CELF2: variants seen among roughly 807,000 people sequenced by gnomAD.
The protein encoded by CELF2 is CUG triplet repeat RNA-binding protein 2.
CELF2 carries 8 observed loss-of-function variants against 62.6 expected under a neutral mutation model. The observed-to-expected ratio is 0.13, with a 90% CI of 0.07 to 0.23. The LOEUF is 0.23. CELF2 is among the 10% of genes least tolerant of loss of function. The probability of loss-of-function intolerance (pLI) is 1.00; values close to 1 mark genes in which losing one functional copy is unlikely to be tolerated. For synonymous variants in CELF2, 258 were observed against 250.0 expected (o/e 1.03, Z -0.30); for missense variants, 333 against 671.0 (o/e 0.50, Z 5.56).
the CELF2 span, among the ~76,000 whole-genome samples, chr10:10,650,006 G>T: frequency 6.6e-6 from 1 of 152,132 alleles, no homozygotes; most frequent in African/African-American, 2.4e-5. Flanking sequence ...TGCTCATTCT[G>T]TGTGGATGGA....
At chr10:11,058,461 GTTTTTTTTTT>G (rs67113152) in intron 1 of CELF2, among the ~76,000 whole-genome samples, 2 of 116,806 alleles carry the variant, frequency 1.7e-5, no homozygotes, top group African/African-American at 6.4e-5. Context: ...TTTTTTGTTG[GTTTTTTTTTT>G]TTTTTTTTTT....
chr10:11,266,385 CT>C (rs2082202168), intron 5 of CELF2, among the ~76,000 whole-genome samples: 1 of 152,142 alleles, frequency 6.6e-6, no homozygotes, highest in South Asian at 2.1e-4. Flanking sequence ...ATAAATAAAT[CT>C]TTCTGCTTTG....
chr10:10,644,640 G>A, the CELF2 span, among the ~76,000 whole-genome samples: 1 of 152,138 alleles, frequency 6.6e-6, no homozygotes, highest in South Asian at 2.1e-4. Flanking sequence ...GGTATAGGAA[G>A]CTGCCAGCCA....
Position 11,305,726 on chromosome 10 carries a change from C to T in CELF2, c.977-8413C>T, listed in dbSNP as rs550249609. Among the ~76,000 whole-genome samples, 30 of 152,282 alleles carry T rather than the reference C, an allele frequency of 2.0e-4. No homozygotes were observed. In the South Asian group the frequency reaches 6.0e-3, roughly 31 times the overall value. On this transcript the variant is annotated intron_variant, in intron 9 of 12. Coordinates refer to ENST00000633077, the MANE Select transcript of CELF2 (RefSeq NM_001326342.2). The surrounding 1 kb of genome is among the most constrained non-coding windows in gnomAD (Gnocchi z 4.8). The stretch of plus-strand genomic sequence containing the variant: ...GGTGTAGTGTTCATCCCAGACCTAG[C>T]ACAGCTCTAAGGAGAAGGAACCCAT...
At chr10:10,781,945 AC>A in the CELF2 span, among the ~76,000 whole-genome samples, 1 of 152,252 alleles carries the variant, frequency 6.6e-6, no homozygotes, top group African/African-American at 2.4e-5. Flanking sequence ...TAAAAATAAT[AC>A]AAATTTAAAA....
intron 2 of CELF2, among the ~76,000 whole-genome samples, chr10:10,991,791 A>G (rs910614164): frequency 3.3e-5 from 5 of 152,154 alleles, no homozygotes; most frequent in Admixed American, 2.0e-4. Context: ...AAAAAAGTAG[A>G]CAACACTTTA....
At chr10:11,119,741 G>A (rs1369873846) in intron 1 of CELF2, among the ~76,000 whole-genome samples, 3 of 151,806 alleles carry the variant, frequency 2.0e-5, no homozygotes, top group Admixed American at 2.0e-4. Flanking sequence ...ACATGAAAAA[G>A]CCTTTATCCT....
chr10:11,130,216 G>T (rs1411628685), intron 1 of CELF2, among the ~76,000 whole-genome samples: 1 of 152,162 alleles, frequency 6.6e-6, no homozygotes, highest in Non-Finnish European at 1.5e-5. Flanking sequence ...GCTCTAATTT[G>T]GTTGCACTGT....
At chr10:10,681,568 T>C in the CELF2 span, among the ~76,000 whole-genome samples, 1 of 152,194 alleles carries the variant, frequency 6.6e-6, no homozygotes, top group Admixed American at 6.5e-5. Flanking sequence ...CCAGTGAAAT[T>C]TTAATTTCAT....
chr10:11,070,365 T>TAGAC (rs979614443), intron 1 of CELF2, among the ~76,000 whole-genome samples: 44 of 152,152 alleles, frequency 2.9e-4, no homozygotes, highest in African/African-American at 1.1e-3. Context: ...CAGGGACCTG[T>TAGAC]AGACATGAGG....
intron 3 of CELF2, among the ~76,000 whole-genome samples, chr10:11,236,733 C>G (rs1403581138): frequency 2.0e-5 from 3 of 152,186 alleles, no homozygotes; most frequent in African/African-American, 7.2e-5. Context: ...AGCAATTACC[C>G]AACCTAACTT....
intron 1 of CELF2, among the ~76,000 whole-genome samples, chr10:11,044,981 C>T (rs758504311): frequency 7.2e-5 from 11 of 152,298 alleles, no homozygotes; most frequent in Non-Finnish European, 1.3e-4. Context: ...GGCCTCTACT[C>T]GCCTGTTTAT....
chr10:10,589,711 AGTC>A, the CELF2 span, among the ~76,000 whole-genome samples: 1 of 152,196 alleles, frequency 6.6e-6, no homozygotes, highest in South Asian at 2.1e-4. Flanking sequence ...AAAAGACGTG[AGTC>A]ACTGTCTTCA....
chr10:10,473,994 C>A, the CELF2 span, among the ~76,000 whole-genome samples: 2 of 152,052 alleles, frequency 1.3e-5, no homozygotes, highest in Non-Finnish European at 2.9e-5. Context: ...CTACTTGTGT[C>A]CTCTTCTTAT....
At chr10:11,173,453 T>C (rs1456676226) in intron 2 of CELF2, among the ~76,000 whole-genome samples, 29 of 152,216 alleles carry the variant, frequency 1.9e-4, no homozygotes, top group Admixed American at 1.9e-3. Context: ...TTAACCATAG[T>C]TAAGTTGTAT....
chr10:10,896,698 G>C (rs905460904), intron 1 of CELF2, among the ~76,000 whole-genome samples: 2 of 152,144 alleles, frequency 1.3e-5, no homozygotes, highest in Non-Finnish European at 2.9e-5. Context: ...GAAGAGACAA[G>C]ATGTTACTCC....
chr10:10,681,669 A>G, the CELF2 span, among the ~76,000 whole-genome samples: 71 of 152,318 alleles, frequency 4.7e-4, 1 homozygote, highest in Admixed American at 9.8e-4. Context: ...CACAAGTCAG[A>G]GGCTAACAGG....
the CELF2 span, among the ~76,000 whole-genome samples, chr10:10,487,539 C>T: frequency 1.3e-5 from 2 of 152,216 alleles, no homozygotes; most frequent in African/African-American, 4.8e-5. Context: ...TTCATGACGT[C>T]CATGACCCCA....
chr10:11,211,033 C>T lies in CELF2; in HGVS notation c.272-6392C>T, dbSNP rs1453769638. On this transcript the variant is annotated intron_variant, in intron 2 of 12. Transcript: ENST00000633077. This position sits in a 1 kb window ranked among gnomAD's most constrained non-coding sequence, Gnocchi z 4.8. ...GTGGCTCATGCCTGTAATCGTAGCA[C>T]TTTGGGAGGCCAAGGCAGGAGGACC... 6.6e-6 allele frequency among the ~76,000 whole-genome samples: 1 copy of T among 152,216 alleles called. No individual in the cohort carries two copies. Among genetic ancestry groups the T allele is most frequent in the Non-Finnish European group, 1.5e-5 (1 of 68,038 alleles).
Sources: allele counts gnomAD v4.1 joint callset (sites outside exome capture counted in the v4.1 genomes callset), GRCh38; gene constraint gnomAD v4.1.1; non-coding constraint Gnocchi (gnomAD v3.1); transcripts MANE v1.5; gene names NCBI Gene and HGNC (gene_info 2026-07-23, HGNC 2026-07-21).